The following ASB7 variants were observed in gnomAD, a reference collection of about 807,000 sequenced individuals.
The protein encoded by ASB7 is ankyrin repeat and SOCS box containing 7, also known as ankyrin repeat and SOCS box protein 7.
Under a neutral mutation model 32.5 loss-of-function variants are expected in ASB7, and 4 were observed. That is an observed-to-expected ratio of 0.12 (90% confidence interval 0.06 to 0.28). The LOEUF is 0.28. ASB7 is among the 10% of genes least tolerant of loss of function. The probability of loss-of-function intolerance (pLI) is 1.00; values close to 1 mark genes in which losing one functional copy is unlikely to be tolerated. For missense variants in ASB7, 181 were observed against 407.1 expected (o/e 0.44, Z 4.78); for synonymous variants, 172 against 155.6 (o/e 1.11, Z -0.78).
intron 5 of ASB7, among the ~76,000 whole-genome samples, chr15:100,645,092 A>G (rs1718217365): frequency 2.0e-5 from 3 of 152,246 alleles, no homozygotes; most frequent in African/African-American, 7.2e-5. Context: ...TATGAGGGAT[A>G]AAGTACAAGA....
chr15:100,645,822 G>A (rs564648439), intron 5 of ASB7: 29 of 1,293,452 alleles, frequency 2.2e-5, no homozygotes, highest in African/African-American at 2.0e-4. Context: ...TGCCAAACGC[G>A]ACATCCCACA....
intron 5 of ASB7, among the ~76,000 whole-genome samples, chr15:100,644,000 C>T (rs11637851): frequency 1.3e-5 from 2 of 152,066 alleles, no homozygotes; most frequent in Non-Finnish European, 2.9e-5. Flanking sequence ...TTAATCCCAG[C>T]ACTTTGGGAG....
At position 100,629,743 on chromosome 15, in the gene ASB7, A is replaced by G. The variant is rs770765024; in HGVS notation, c.518A>G (p.Asn173Ser). The G allele has an allele frequency of 5.2e-5, 84 of 1,614,078 alleles. No homozygotes were observed. The Admixed American group carries it at 7.5e-4, about 14-fold the overall frequency. Reference sequence around the variant, plus strand: ...TGTGTGAAAATCCTCCTGGACCACAATGCCAACATCGACATTCAGAATGGT... The same window carrying G: ...TGTGTGAAAATCCTCCTGGACCACAGTGCCAACATCGACATTCAGAATGGT... ...SSCVKILLDH[N>S]ANIDIQNGFL... Residue 173 changes from asparagine (N) to serine (S), a missense_variant, in exon 5 of 6, where the codon AAT becomes AGT. By Grantham distance (46) the Asn-to-Ser change is conservative. Transcript: ENST00000332783. This position sits in a 1 kb window ranked among gnomAD's most constrained non-coding sequence, Gnocchi z 6.8.
At position 100,650,561 on chromosome 15, in the gene ASB7, A is replaced by G. The variant is rs1302932587; in HGVS notation, c.*2099A>G. On this transcript the variant is annotated 3_prime_UTR_variant, in exon 6 of 6. Transcript: ENST00000332783. Reference sequence around the variant, plus strand: ...TGTGTTAATTTATTCACTTAGTTTCAAAAGATTTTCTCTCCCCAGCCATTC... The same window carrying G: ...TGTGTTAATTTATTCACTTAGTTTCGAAAGATTTTCTCTCCCCAGCCATTC... 6.6e-6 allele frequency: 1 copy of G among 152,180 alleles called. No homozygotes were observed. Among genetic ancestry groups the G allele is most frequent in the East Asian group, 1.9e-4 (1 of 5,196 alleles). 9.4% of individuals were successfully genotyped at this position (152,180 alleles called of 1,614,324 possible). A position where few individuals can be genotyped will look rare whatever the true frequency, so the allele number is the denominator to read the frequency against.
intron 2 of ASB7, among the ~76,000 whole-genome samples, chr15:100,603,729 C>G (rs887573006): frequency 6.6e-6 from 1 of 152,198 alleles, no homozygotes; most frequent in Non-Finnish European, 1.5e-5. Flanking sequence ...CCCCCTTACT[C>G]TTTCCTATCA....
At chr15:100,640,744 A>C in intron 5 of ASB7, among the ~76,000 whole-genome samples, 1 of 152,212 alleles carries the variant, frequency 6.6e-6, no homozygotes, top group East Asian at 1.9e-4. Flanking sequence ...AGTTGATCCT[A>C]TCATAAAAAC....
chr15:100,648,091 G>C (rs7169399), intron 5 of ASB7, among the ~76,000 whole-genome samples: 41,994 of 152,116 alleles, frequency 0.28, 8,430 homozygotes, highest in African/African-American at 0.57. Flanking sequence ...CTGATACTCA[G>C]TTTTCTTATT....
rs150345813 is a variant in ASB7, at chr15:100,629,071, A to G, written c.212-366A>G. Among the ~76,000 whole-genome samples the G allele has an allele frequency of 2.0e-5, 3 of 152,374 alleles. No individual in the cohort carries two copies. The highest frequency in any genetic ancestry group is 2.0e-4 in the Admixed American group (3 of 15,308). ...AGAAGCACAAGAGAAAATAAAACAAAAAGTTCAAAACAGAAGAGAAACATG... is the reference window on the plus strand; with the variant it reads ...AGAAGCACAAGAGAAAATAAAACAAGAAGTTCAAAACAGAAGAGAAACATG... On this transcript the variant is annotated intron_variant, in intron 4 of 5. Coordinates refer to ENST00000332783, the MANE Select transcript of ASB7 (RefSeq NM_198243.3). The surrounding 1 kb of genome is among the most constrained non-coding windows in gnomAD (Gnocchi z 6.8).
intron 3 of ASB7, among the ~76,000 whole-genome samples, chr15:100,610,776 C>T (rs2039689403): frequency 6.6e-6 from 1 of 152,158 alleles, no homozygotes; most frequent in South Asian, 2.1e-4. Flanking sequence ...GTCTAACCTA[C>T]ATATGAGAAC....
At chr15:100,640,864 T>C (rs2039956168) in intron 5 of ASB7, among the ~76,000 whole-genome samples, 1 of 152,212 alleles carries the variant, frequency 6.6e-6, no homozygotes, top group Non-Finnish European at 1.5e-5. Context: ...TGATTTCCTA[T>C]TTTATACCAG....
At chr15:100,612,453 T>C (rs2039705191) in intron 4 of ASB7, 26 bp downstream of exon 4, 1 of 1,556,290 alleles carries the variant, frequency 6.4e-7, no homozygotes, top group Admixed American at 1.7e-5. Context: ...GCAAATCTTT[T>C]TCCCCATGGA....
intron 4 of ASB7, among the ~76,000 whole-genome samples, chr15:100,615,229 A>G (rs1027736796): frequency 6.6e-6 from 1 of 152,212 alleles, no homozygotes; most frequent in East Asian, 1.9e-4. Context: ...CCCTGTTGTT[A>G]AGTAGTATAT....
In ASB7 at chr15:100,606,982, G is replaced by A. The variant is rs565188497; in HGVS notation, c.-173-2725G>A. ...ATCCTGACTAACATGGTGAAACCTC[G>A]TCTCTACTAAAAATACATGAATTAG... On this transcript the variant is annotated intron_variant, in intron 2 of 5. Transcript: ENST00000332783. 1.3e-4 allele frequency among the ~76,000 whole-genome samples: 20 copies of A among 152,054 alleles called. No individual in the cohort carries two copies. In the East Asian group the frequency reaches 3.3e-3, roughly 25 times the overall value.
intron 2 of ASB7, among the ~76,000 whole-genome samples, chr15:100,607,629 AAG>A (rs1390096581): frequency 6.6e-6 from 1 of 152,206 alleles, no homozygotes; most frequent in Non-Finnish European, 1.5e-5. Context: ...ATTTTCAGAA[AAG>A]AGAAAAATAA....
intron 4 of ASB7, among the ~76,000 whole-genome samples, chr15:100,614,346 C>T (rs1014147817): frequency 1.7e-4 from 26 of 151,598 alleles, no homozygotes; most frequent in South Asian, 4.2e-4. Flanking sequence ...TTTTGAACAT[C>T]AATGATAATA....
chr15:100,613,420 G>A (rs1011512886), intron 4 of ASB7, among the ~76,000 whole-genome samples: 3 of 152,252 alleles, frequency 2.0e-5, no homozygotes, highest in African/African-American at 7.2e-5. Flanking sequence ...ACTGAGACTA[G>A]GAGTAGCCAC....
At chr15:100,618,073 G>A (rs1367601080) in intron 4 of ASB7, among the ~76,000 whole-genome samples, 1 of 152,082 alleles carries the variant, frequency 6.6e-6, no homozygotes, top group African/African-American at 2.4e-5. Context: ...TCCCACCTCA[G>A]CCGTACCTGT....
chr15:100,605,545 C>G (rs1041177108), intron 2 of ASB7, among the ~76,000 whole-genome samples: 7 of 152,204 alleles, frequency 4.6e-5, no homozygotes, highest in African/African-American at 7.2e-5. Flanking sequence ...TTAATTTGTT[C>G]ACGTTTAACT....
intron 5 of ASB7, among the ~76,000 whole-genome samples, chr15:100,636,159 G>A (rs1187930159): frequency 6.6e-6 from 1 of 152,106 alleles, no homozygotes; most frequent in East Asian, 1.9e-4. Flanking sequence ...CAGTGACTAC[G>A]GCTCCAGGTA....
Sources: allele counts gnomAD v4.1 joint callset (sites outside exome capture counted in the v4.1 genomes callset), GRCh38; gene constraint gnomAD v4.1.1; non-coding constraint Gnocchi (gnomAD v3.1); transcripts MANE v1.5; gene names NCBI Gene and HGNC (gene_info 2026-07-23, HGNC 2026-07-21).